Variants in ACADSB observed in about 807,000 individuals in gnomAD.
ACADSB encodes acyl-CoA dehydrogenase short/branched chain.
A neutral mutation model predicts 54.1 loss-of-function variants in ACADSB; 40 were observed. The ratio of observed to expected loss-of-function variants is 0.74; its 90% CI spans 0.57 to 0.96. The LOEUF is 0.96. Among genes scored for constraint, ACADSB ranks in the 40% least tolerant of loss-of-function variants. The pLI is 0.00. For synonymous variants in ACADSB, 182 were observed against 182.8 expected (o/e 1.00, Z 0.03); for missense variants, 530 against 510.4 (o/e 1.04, Z -0.37).
At chr10:123,038,600 A>G (rs1434558524) in intron 3 of ACADSB, among the ~76,000 whole-genome samples, 3 of 152,204 alleles carry the variant, frequency 2.0e-5, no homozygotes, top group Non-Finnish European at 2.9e-5. Flanking sequence ...TTAATTTTTA[A>G]TACTAAAGAT....
chr10:123,009,373 G>A (rs7072913), intron 1 of ACADSB, among the ~76,000 whole-genome samples: 1,838 of 152,270 alleles, frequency 0.012, 44 homozygotes, highest in African/African-American at 0.04. Flanking sequence ...TGCGTCCTGA[G>A]AGCCACCGAG....
At chr10:123,045,557 A>G (rs1046198558) in intron 7 of ACADSB, among the ~76,000 whole-genome samples, 2 of 152,178 alleles carry the variant, frequency 1.3e-5, no homozygotes, top group Non-Finnish European at 2.9e-5. Context: ...GATGTTACAT[A>G]TAAGCTATTG....
chr10:123,040,716 T>C, intron 4 of ACADSB, 44 bp downstream of exon 4: 2 of 1,559,092 alleles, frequency 1.3e-6, no homozygotes, highest in Non-Finnish European at 1.8e-6. Context: ...TAATCTTTAG[T>C]AAGTTTACAA....
chr10:123,037,938 A>G (rs2133477844), intron 3 of ACADSB, 91 bp downstream of exon 3: 1 of 956,752 alleles, frequency 1.0e-6, no homozygotes, highest in Non-Finnish European at 1.6e-6. Context: ...TTCCCAGTCA[A>G]AATTATCTGT....
At chr10:123,051,278 T>C in intron 9 of ACADSB, 92 bp downstream of exon 9, 1 of 1,370,296 alleles carries the variant, frequency 7.3e-7, no homozygotes. Flanking sequence ...TTGGGAATGT[T>C]GATTGTACTT....
At chr10:123,036,967 G>A (rs9423255) in intron 2 of ACADSB, among the ~76,000 whole-genome samples, 84,666 of 152,132 alleles carry the variant, frequency 0.56, 23,808 homozygotes, top group South Asian at 0.63. Flanking sequence ...TTAAGAAGGT[G>A]TTTTCATCAA....
chr10:123,024,939 T>G (rs906163684), intron 1 of ACADSB, among the ~76,000 whole-genome samples: 1 of 152,194 alleles, frequency 6.6e-6, no homozygotes, highest in African/African-American at 2.4e-5. Flanking sequence ...TAGGAAACCC[T>G]TAGGTTCCCT....
chr10:123,014,335 A>G (rs541160271), intron 1 of ACADSB, among the ~76,000 whole-genome samples: 1 of 152,054 alleles, frequency 6.6e-6, no homozygotes, highest in Non-Finnish European at 1.5e-5. Context: ...AAATTAATTA[A>G]TTAAGTTAGT....
chr10:123,046,623 G>A lies in ACADSB; in HGVS notation c.901-586G>A, dbSNP rs1850563484. On this transcript the variant is annotated intron_variant, in intron 7 of 10. Transcript: ENST00000358776. The stretch of plus-strand genomic sequence containing the variant: ...GATTTGGATTCAGTCATTAGGCCTG[G>A]GTATCAGTATTGTTTTAAATCAGAT... Among the ~76,000 whole-genome samples the A allele has an allele frequency of 3.3e-5, 5 of 152,082 alleles. No homozygotes were observed. In the South Asian group the frequency reaches 1.0e-3, roughly 32 times the overall value.
chr10:123,020,077 G>C (rs1450013867), intron 1 of ACADSB, among the ~76,000 whole-genome samples: 1 of 152,086 alleles, frequency 6.6e-6, no homozygotes, highest in Non-Finnish European at 1.5e-5. Flanking sequence ...ATTAACAGTA[G>C]TAAAAGGTTT....
chr10:123,012,560 C>T (rs958817733), intron 1 of ACADSB, among the ~76,000 whole-genome samples: 2 of 152,044 alleles, frequency 1.3e-5, no homozygotes, highest in African/African-American at 4.8e-5. Flanking sequence ...CGGATGTGTT[C>T]GGAGTTTCTT....
At chr10:123,030,284 G>A (rs528684406) in intron 1 of ACADSB, among the ~76,000 whole-genome samples, 1 of 152,160 alleles carries the variant, frequency 6.6e-6, no homozygotes, top group Non-Finnish European at 1.5e-5. Context: ...CCAGCACTCT[G>A]GGAGGCCGAG....
In ACADSB at chr10:123,010,360, C is replaced by T. The variant is rs148639941; in HGVS notation, c.42+1289C>T. 6.9e-3 allele frequency among the ~76,000 whole-genome samples: 1,057 copies of T among 152,352 alleles called. 13 individuals carry two copies. Among genetic ancestry groups the T allele is most frequent in the African/African-American group, 0.024 (994 of 41,570 alleles). On this transcript the variant is annotated intron_variant, in intron 1 of 10. Coordinates refer to ENST00000358776, the MANE Select transcript of ACADSB (RefSeq NM_001609.4). ...TGATTCTAAACTTAACCTTCATATA[C>T]TACTGTCTCCCCGTCCTTAGAGATA...
intron 8 of ACADSB, among the ~76,000 whole-genome samples, chr10:123,048,668 A>G (rs974106578): frequency 1.3e-5 from 2 of 152,118 alleles, no homozygotes; most frequent in Non-Finnish European, 1.5e-5. Flanking sequence ...AGAGATGCCT[A>G]GTATGGATAG....
intron 7 of ACADSB, 73 bp downstream of exon 7, chr10:123,044,558 A>G (rs766354828): frequency 1.1e-4 from 127 of 1,206,066 alleles, no homozygotes; most frequent in Admixed American, 2.4e-4. Context: ...AATGAGACCA[A>G]TGAATATTTG....
intron 8 of ACADSB, among the ~76,000 whole-genome samples, chr10:123,049,452 T>C (rs78593532): frequency 0.061 from 9,329 of 152,318 alleles, 331 homozygotes; most frequent in Non-Finnish European, 0.087. Flanking sequence ...CCTCTCTCAG[T>C]ACTTAATGTG....
At chr10:123,015,767 G>C (rs1850102946) in intron 1 of ACADSB, among the ~76,000 whole-genome samples, 1 of 152,200 alleles carries the variant, frequency 6.6e-6, no homozygotes, top group African/African-American at 2.4e-5. Flanking sequence ...GAGATTTTAA[G>C]GTGCTGTTTG....
intron 1 of ACADSB, among the ~76,000 whole-genome samples, chr10:123,016,469 C>CTT: frequency 6.6e-6 from 1 of 152,382 alleles, no homozygotes; most frequent in East Asian, 1.9e-4. Flanking sequence ...CAAGACGCAG[C>CTT]TACTGTTACA....
At position 123,057,235 on chromosome 10, in the gene ACADSB, T is replaced by C. The variant is rs547577402; in HGVS notation, c.*3470T>C. On this transcript the variant is annotated 3_prime_UTR_variant, in exon 11 of 11. Coordinates refer to ENST00000358776, the MANE Select transcript of ACADSB (RefSeq NM_001609.4). ...TACCAGCATCAGAGAGCTTCCCATT[T>C]GCATCTAGACCTTGAATTTATATTT... The C allele has an allele frequency of 2.9e-4, 44 of 152,376 alleles. No individual in the cohort carries two copies. The highest frequency in any genetic ancestry group is 8.9e-4 in the African/African-American group (37 of 41,596). The allele number at this position is 152,376 out of a possible 1,614,324, so 9.4% of individuals were successfully genotyped here.
Sources: allele counts gnomAD v4.1 joint callset (sites outside exome capture counted in the v4.1 genomes callset), GRCh38; gene constraint gnomAD v4.1.1; transcripts MANE v1.5; gene names NCBI Gene and HGNC (gene_info 2026-07-23, HGNC 2026-07-21).